ABCA7: variants seen among roughly 807,000 people sequenced by gnomAD.
ABCA7 encodes ATP binding cassette subfamily A member 7.
A neutral mutation model predicts 227.6 loss-of-function variants in ABCA7; 261 were observed. That is an observed-to-expected ratio of 1.15 (90% CI 1.04 to 1.27). ABCA7 has a LOEUF of 1.27. ABCA7 is among the 50% of genes most tolerant of loss of function. The pLI, the probability that ABCA7 is intolerant of heterozygous loss-of-function variation, is 0.00. For missense variants in ABCA7, 3,331 were observed against 2,924.5 expected (o/e 1.14, Z -3.21); for synonymous variants, 1,488 against 1,279.7 (o/e 1.16, Z -3.47).
At chr19:1,042,203 G>T in intron 5 of ABCA7, 27 bp downstream of exon 5, 1 of 1,600,580 alleles carries the variant, frequency 6.2e-7, no homozygotes, top group East Asian at 2.2e-5. Context: ...GCCTCTGGCA[G>T]GGCTGAGCTC....
intron 13 of ABCA7, 117 bp downstream of exon 13, chr19:1,046,523 T>C (rs887062834): frequency 1.5e-6 from 2 of 1,372,996 alleles, no homozygotes; most frequent in African/African-American, 2.9e-5. Context: ...TTTGCACCTT[T>C]ACACCACTCC....
rs1568335172 is a variant in ABCA7 at position 1,051,998 on chromosome 19, C to CGTGTG, written c.3021_3025dup (p.Ala1009ValfsTer29). 2 of 1,612,246 alleles carry CGTGTG rather than the reference C, an allele frequency of 1.2e-6. No individual in the cohort carries two copies. The highest frequency in any genetic ancestry group is 3.3e-5 in the Admixed American group (2 of 60,004). On this transcript the variant is annotated frameshift_variant, in exon 22 of 47. Transcript: ENST00000263094. LOFTEE classifies it high-confidence loss of function. ...GGATGAGGCAGAGCTGCTGGGAGACCGTGTGGCCGTGGTGGCAGGTGGCCG... is the reference window on the plus strand; with the variant it reads ...GGATGAGGCAGAGCTGCTGGGAGACCGTGTGGTGTGGCCGTGGTGGCAGGTGGCCG...
chr19:1,053,573 G>A (rs1017502095), intron 24 of ABCA7, 42 bp downstream of exon 24: 26 of 1,542,360 alleles, frequency 1.7e-5, no homozygotes, highest in Non-Finnish European at 2.2e-5. Context: ...CAGGAGGAGG[G>A]CTTCCTGGAG....
intron 16 of ABCA7, 58 bp downstream of exon 16, chr19:1,047,712 G>C: frequency 6.7e-7 from 1 of 1,501,144 alleles, no homozygotes; most frequent in South Asian, 1.2e-5. Context: ...GGGAGGCTGA[G>C]CTAGGGGTGT....
rs766437530 is a variant in ABCA7 at position 1,041,340 on chromosome 19, C to A, written c.-22C>A. 2 of 1,613,654 alleles carry A rather than the reference C, an allele frequency of 1.2e-6. No individual in the cohort carries two copies. Among genetic ancestry groups the A allele is most frequent in the Non-Finnish European group, 1.7e-6 (2 of 1,179,784 alleles). The stretch of plus-strand genomic sequence containing the variant: ...CGACCGTTGTCCTGACCTCTCTGTC[C>A]CGTCCCCTGCCCAGTCTCACCATGG... On this transcript the variant is annotated 5_prime_UTR_variant, in exon 2 of 47. Coordinates refer to ENST00000263094, the MANE Select transcript of ABCA7 (RefSeq NM_019112.4).
rs370418592 is a variant in ABCA7 at position 1,058,762 on chromosome 19, T to C, written c.5279+15T>C. Reference sequence around the variant, plus strand: ...CTCCTGCCACAGTTAGTGAGGTCTATGGAGAGGGTGGCAGGGGCCAAGGAC... The same window carrying C: ...CTCCTGCCACAGTTAGTGAGGTCTACGGAGAGGGTGGCAGGGGCCAAGGAC... On this transcript the variant is annotated intron_variant, in intron 38 of 46. Transcript: ENST00000263094. The C allele has an allele frequency of 9.3e-6, 15 of 1,610,126 alleles. No individual in the cohort carries two copies. In the Admixed American group the frequency reaches 1.2e-4, roughly 13 times the overall value.
intron 12 of ABCA7, 135 bp downstream of exon 12, chr19:1,045,366 C>G: frequency 1.1e-6 from 1 of 946,456 alleles, no homozygotes; most frequent in South Asian, 1.7e-5. Context: ...GGTATGGTAG[C>G]CAGAGCCCGG....
At chr19:1,047,686 G>A in intron 16 of ABCA7, 32 bp downstream of exon 16, 1 of 1,551,928 alleles carries the variant, frequency 6.4e-7, no homozygotes, top group Non-Finnish European at 8.7e-7. Context: ...TCCGGGCCGG[G>A]TCGCACCTGC....
chr19:1,050,982 G>T lies in ABCA7; in HGVS notation c.2614G>T (p.Val872Phe). ...GGSAFILGHD[V>F]RSSMAAIRPH... ...CTCTGCCTTCATCCTGGGCCACGAC[G>T]TCCGCTCCAGCATGGCCGCCATCCG... The change falls in exon 19 of 47, where the codon GTC becomes TTC. Residue 872 changes from valine to phenylalanine, a missense_variant. Val to Phe is a conservative substitution (Grantham distance 50). Transcript: ENST00000263094. 1 of 1,612,234 alleles carries T rather than the reference G, an allele frequency of 6.2e-7. No individual in the cohort carries two copies. Among genetic ancestry groups the T allele is most frequent in the Non-Finnish European group, 8.5e-7 (1 of 1,179,742 alleles).
chr19:1,054,490 G>C lies in ABCA7; in HGVS notation c.3727-80G>C. On this transcript the variant is annotated intron_variant, in intron 27 of 46. Coordinates refer to ENST00000263094, the MANE Select transcript of ABCA7 (RefSeq NM_019112.4). This position sits in a 1 kb window ranked among gnomAD's most constrained non-coding sequence, Gnocchi z 4.8. ...TGAGGGCACTGGGGAGCCATGGGTG[G>C]TTGTAGAGCAGGAGCAGGGACAGGT... 1 of 1,576,528 alleles carries C rather than the reference G, an allele frequency of 6.3e-7. No homozygotes were observed. Among genetic ancestry groups the C allele is most frequent in the Non-Finnish European group, 8.6e-7 (1 of 1,160,388 alleles).
rs1336095863 is a variant in ABCA7, at chr19:1,051,556, A to G, written c.2932A>G (p.Ile978Val). ...CGTGGATCCTGCTTCCCGCCGCGGT[A>G]TTTGGGAGCTGCTGCTCAAATACCG... is the stretch of plus-strand genomic sequence containing the variant. Reference protein sequence around the residue: ...AGVDPASRRGIWELLLKYREG... With the variant: ...AGVDPASRRGVWELLLKYREG... Residue 978 changes from isoleucine to valine, a missense_variant, in exon 21 of 47, where the codon ATT becomes GTT. Coordinates refer to ENST00000263094, the MANE Select transcript of ABCA7 (RefSeq NM_019112.4). 5.6e-6 allele frequency: 9 copies of G among 1,612,390 alleles called. No homozygotes were observed. In the Admixed American group the frequency reaches 8.3e-5, roughly 15 times the overall value.
chr19:1,065,054 C>T lies in ABCA7; in HGVS notation c.6168C>T (p.Arg2056=). The T allele has an allele frequency of 1.9e-6, 3 of 1,560,390 alleles. No individual in the cohort carries two copies. The highest frequency in any genetic ancestry group is 1.7e-4 in the Middle Eastern group (1 of 5,962). Residue 2056 remains arginine, a synonymous_variant, in exon 46 of 47, where the codon CGC becomes CGT. Transcript: ENST00000263094. ...GCGAGGCACATGGAGGCCGCCTGCGCTTCCAGCTGCCGCCGGGAGGGCGCT... is the reference window on the plus strand; with the variant it reads ...GCGAGGCACATGGAGGCCGCCTGCGTTTCCAGCTGCCGCCGGGAGGGCGCT... ...ELREAHGGRL[R]FQLPPGGRCA...
chr19:1,057,348 T>G lies in ABCA7; in HGVS notation c.4799T>G (p.Leu1600Arg), dbSNP rs199501189. ...TTGGTGCCAGCATGCATCGTGGTGC[T>G]CATCTTTCTGGCCTTCCAGCAGAGG... Reference protein sequence around the residue: ...NYLVPACIVVLIFLAFQQRAY... With the variant: ...NYLVPACIVVRIFLAFQQRAY... The change falls in exon 35 of 47, where the codon CTC becomes CGC. Residue 1600 changes from leucine (L) to arginine (R), a missense_variant. Physicochemically the swap from Leu to Arg is moderately radical, Grantham distance 102. Coordinates refer to ENST00000263094, the MANE Select transcript of ABCA7 (RefSeq NM_019112.4). 6.2e-7 allele frequency: 1 copy of G among 1,613,842 alleles called. No individual in the cohort carries two copies. Among genetic ancestry groups the G allele is most frequent in the Non-Finnish European group, 8.5e-7 (1 of 1,180,016 alleles).
At chr19:1,063,897 A>G in intron 44 of ABCA7, 34 bp downstream of exon 44, 1 of 1,501,020 alleles carries the variant, frequency 6.7e-7, no homozygotes, top group Non-Finnish European at 8.9e-7. Flanking sequence ...GGCTGTGGTT[A>G]AGGTGATCCA....
rs746307442 is a variant in ABCA7 at position 1,046,955 on chromosome 19, G to A, written c.1776G>A (p.Trp592Ter). ...RAMGLSRAVL[W>*]LGWFLSCLGP... is the part of the protein sequence containing the mutation. ...TGGGGCTCAGCCGCGCGGTGCTCTG[G>A]CTAGGCTGGTTCCTCAGCTGCCTCG... The change falls in exon 14 of 47, where the codon TGG (tryptophan) becomes TGA (stop). Residue 592 changes from tryptophan to a stop codon, truncating the protein, a stop_gained. Coordinates refer to ENST00000263094, the MANE Select transcript of ABCA7 (RefSeq NM_019112.4). LOFTEE classifies it high-confidence loss of function. The A allele has an allele frequency of 2.0e-5, 32 of 1,581,464 alleles. No individual in the cohort carries two copies. The highest frequency in any genetic ancestry group is 2.7e-5 in the Non-Finnish European group (31 of 1,167,964).
In ABCA7 at chr19:1,045,240, A is replaced by AG; in HGVS notation, c.1445+12dup. The AG allele has an allele frequency of 1.4e-6, 1 of 698,010 alleles. No individual in the cohort carries two copies. Among genetic ancestry groups the AG allele is most frequent in the Non-Finnish European group, 2.3e-6 (1 of 442,896 alleles). The allele number at this position is 698,010 out of a possible 1,614,324, so 43.2% of individuals were successfully genotyped here. A position where few individuals can be genotyped will look rare whatever the true frequency, so the allele number is the denominator to read the frequency against. ...AATAAGATCAGGGACAGGTCAGGCG[A>AG]GGGAGGGGGCGGGGGGATGAGGGAC... On this transcript the variant is annotated intron_variant, in intron 12 of 46. Coordinates refer to ENST00000263094, the MANE Select transcript of ABCA7 (RefSeq NM_019112.4).
Position 1,051,189 on chromosome 19 carries a change from C to A in ABCA7, c.2719C>A (p.Arg907=). The change falls in exon 20 of 47, where the codon CGG becomes AGG. Residue 907 remains arginine (R), a synonymous_variant. Transcript: ENST00000263094. ...TVDEHVWFYG[R]LKGLSAAVVG... ...GGACGAGCACGTCTGGTTCTATGGG[C>A]GGCTGAAGGGTCTGAGTGCCGCTGT... is the stretch of plus-strand genomic sequence containing the variant. 6.2e-7 allele frequency: 1 copy of A among 1,611,176 alleles called. No homozygotes were observed. The highest frequency in any genetic ancestry group is 8.5e-7 in the Non-Finnish European group (1 of 1,179,906).
Position 1,063,747 on chromosome 19 carries a change from C to A in ABCA7, c.5848-13C>A, listed in dbSNP as rs925027893. The A allele has an allele frequency of 1.3e-6, 2 of 1,548,486 alleles. No homozygotes were observed. Among genetic ancestry groups the A allele is most frequent in the Non-Finnish European group, 1.7e-6 (2 of 1,146,930 alleles). On this transcript the variant is annotated splice_polypyrimidine_tract_variant and intron_variant, in intron 43 of 46. Coordinates refer to ENST00000263094, the MANE Select transcript of ABCA7 (RefSeq NM_019112.4). ...GGCGGGGCCTTGCTTATGGGATCTT[C>A]CGTGCTCCCCAGGACGAGCCGACCA...
Position 1,064,160 on chromosome 19 carries a change from G to T in ABCA7, c.5952-1G>T, listed in dbSNP as rs2042879164. On this transcript the variant is annotated splice_acceptor_variant, in intron 44 of 46. Coordinates refer to ENST00000263094, the MANE Select transcript of ABCA7 (RefSeq NM_019112.4). LOFTEE classifies it high-confidence loss of function. ...GAGCTCGTGGTGCCGGGTCCCGACAGCATGGAGGAGTGTGAAGCGCTCTGC... is the reference window on the plus strand; with the variant it reads ...GAGCTCGTGGTGCCGGGTCCCGACATCATGGAGGAGTGTGAAGCGCTCTGC... 6.4e-7 allele frequency: 1 copy of T among 1,568,038 alleles called. No individual in the cohort carries two copies. The highest frequency in any genetic ancestry group is 1.4e-5 in the African/African-American group (1 of 73,634).
Sources: gnomAD v4.1 joint callset for allele counts on GRCh38, gnomAD v4.1.1 for gene constraint, Gnocchi (gnomAD v3.1) non-coding constraint, MANE v1.5 for transcripts, NCBI Gene and HGNC (gene_info 2026-07-23, HGNC 2026-07-21) for gene names.